Variants in PRKDC observed in about 807,000 individuals in gnomAD.
The protein encoded by PRKDC is DNA-dependent protein kinase catalytic subunit.
PRKDC carries 82 observed loss-of-function variants against 486.9 expected under a neutral mutation model. The observed-to-expected ratio is 0.17, with a 90% CI of 0.14 to 0.20. The LOEUF is 0.20. Among genes scored for constraint, PRKDC ranks in the 10% least tolerant of loss-of-function variants. The pLI, the probability that PRKDC is intolerant of heterozygous loss-of-function variation, is 1.00. For missense variants in PRKDC, 4,504 were observed against 5,038.2 expected (o/e 0.89, Z 3.21); for synonymous variants, 1,895 against 1,837.0 (o/e 1.03, Z -0.81).
At position 47,785,281 on chromosome 8, in the gene PRKDC, C is replaced by T. The variant is rs2086772624; in HGVS notation, c.10939G>A (p.Gly3647Arg). 6.2e-7 allele frequency: 1 copy of T among 1,606,940 alleles called. No individual in the cohort carries two copies. The highest frequency in any genetic ancestry group is 8.5e-7 in the Non-Finnish European group (1 of 1,176,086). The change falls in exon 77 of 86, where the codon GGA (glycine) becomes AGA (arginine). Residue 3647 changes from glycine (G) to arginine (R), a missense_variant. Physicochemically the swap from Gly to Arg is moderately radical, Grantham distance 125. This residue lies in a region of PRKDC where 706 missense variants were observed against 945.0 expected (regional missense o/e 0.75). Transcript: ENST00000314191. ...GKEFDKHFGK[G>R]GSKLLRMKLS... Reference sequence around the variant, plus strand: ...TTCATTCTCAGTAGTTTAGAACCTCCTTTCCCAAAATGTTTATCAAATTCT... The same window carrying T: ...TTCATTCTCAGTAGTTTAGAACCTCTTTTCCCAAAATGTTTATCAAATTCT...
intron 22 of PRKDC, among the ~76,000 whole-genome samples, chr8:47,916,683 C>A (rs560393207): frequency 3.0e-4 from 46 of 152,284 alleles, no homozygotes; most frequent in African/African-American, 1.1e-3. Flanking sequence ...AAAGCAGTGG[C>A]TACTTCAGCT....
intron 61 of PRKDC, among the ~76,000 whole-genome samples, chr8:47,829,339 TC>T (rs2087810934): frequency 6.6e-6 from 1 of 152,198 alleles, no homozygotes; most frequent in Admixed American, 6.5e-5. Context: ...AAATGAATGT[TC>T]TTAAATCAAG....
intron 15 of PRKDC, among the ~76,000 whole-genome samples, 167 bp from the exon 16 acceptor site, chr8:47,933,339 C>T (rs138132851): frequency 1.3e-5 from 2 of 152,240 alleles, no homozygotes; most frequent in African/African-American, 4.8e-5. Flanking sequence ...TTGCAAGATA[C>T]CTTCCTAAAT....
chr8:47,781,899 T>C (rs2086705080), intron 80 of PRKDC, among the ~76,000 whole-genome samples: 1 of 152,258 alleles, frequency 6.6e-6, no homozygotes, highest in Admixed American at 6.5e-5. Context: ...TTTTACTACA[T>C]GTTATCTGAT....
chr8:47,793,120 G>T (rs780488460), intron 74 of PRKDC, among the ~76,000 whole-genome samples: 1 of 152,198 alleles, frequency 6.6e-6, no homozygotes, highest in Non-Finnish European at 1.5e-5. Context: ...TTGGCCTCAA[G>T]CGATTCTTCC....
Position 47,778,202 on chromosome 8 carries a change from C to CT in PRKDC, c.11853+256dup, listed in dbSNP as rs560511204. Reference sequence around the variant, plus strand: ...ATTTTTATTACGGGGCTTCCTAAAACTTTCTTAGAGTCTTCCTTTGATCTG... The same window carrying CT: ...ATTTTTATTACGGGGCTTCCTAAAACTTTTCTTAGAGTCTTCCTTTGATCTG... On this transcript the variant is annotated intron_variant, in intron 83 of 85. Transcript: ENST00000314191. Among the ~76,000 whole-genome samples, 76 of 152,302 alleles carry CT rather than the reference C, an allele frequency of 5.0e-4. 1 individual carries two copies. The East Asian group carries it at 0.011, about 22-fold the overall frequency.
intron 21 of PRKDC, among the ~76,000 whole-genome samples, chr8:47,924,545 G>A (rs1273895265): frequency 6.6e-6 from 1 of 151,978 alleles, no homozygotes; most frequent in East Asian, 1.9e-4. Flanking sequence ...GGGAAACAGA[G>A]TGAGACTCTG....
chr8:47,809,545 G>A (rs2087286370), intron 68 of PRKDC, among the ~76,000 whole-genome samples: 1 of 152,166 alleles, frequency 6.6e-6, no homozygotes, highest in African/African-American at 2.4e-5. Flanking sequence ...TTTAGGAGTG[G>A]AGTTGACAAG....
chr8:47,834,539 C>T (rs978907776), intron 58 of PRKDC, 143 bp from the exon 59 acceptor site: 15 of 808,836 alleles, frequency 1.9e-5, no homozygotes, highest in African/African-American at 3.4e-5. Flanking sequence ...TGTCAGGTCC[C>T]AGGGTATGCC....
At chr8:47,939,440 G>T (rs2090404592) in intron 11 of PRKDC, 111 bp downstream of exon 11, 1 of 1,226,498 alleles carries the variant, frequency 8.2e-7, no homozygotes, top group Non-Finnish European at 1.2e-6. Flanking sequence ...GTTATTCAAG[G>T]GTCTACTGTA....
chr8:47,810,279 T>C (rs762742203), intron 68 of PRKDC, among the ~76,000 whole-genome samples: 4 of 152,234 alleles, frequency 2.6e-5, no homozygotes, highest in Admixed American at 6.5e-5. Context: ...CAATAAGATA[T>C]TTTGAGAGAG....
At chr8:47,890,153 A>C in intron 32 of PRKDC, 104 bp downstream of exon 32, 1 of 452,504 alleles carries the variant, frequency 2.2e-6, no homozygotes. Context: ...TAATAATAAT[A>C]ATAATGATAA....
intron 21 of PRKDC, among the ~76,000 whole-genome samples, chr8:47,919,094 C>G (rs2090033753): frequency 6.6e-6 from 1 of 152,116 alleles, no homozygotes; most frequent in Non-Finnish European, 1.5e-5. Flanking sequence ...TCCACAAGGA[C>G]AGTCTCCCAC....
At position 47,960,113 on chromosome 8, in the gene PRKDC, C is replaced by G; in HGVS notation, c.14G>C (p.Gly5Ala). 6.7e-7 allele frequency: 1 copy of G among 1,503,440 alleles called. No individual in the cohort carries two copies. The highest frequency in any genetic ancestry group is 8.8e-7 in the Non-Finnish European group (1 of 1,130,302). 93.1% of individuals were successfully genotyped at this position (1,503,440 alleles called of 1,614,324 possible). A position where few individuals can be genotyped will look rare whatever the true frequency, so the allele number is the denominator to read the frequency against. Residue 5 changes from glycine (G) to alanine (A), a missense_variant, in exon 1 of 86, where the codon GGA (glycine) becomes GCA (alanine). By Grantham distance (60) the Gly-to-Ala change is moderately conservative (BLOSUM62 0). This residue lies in a region of PRKDC where 145 missense variants were observed against 136.3 expected (regional missense o/e 1.06). Coordinates refer to ENST00000314191, the MANE Select transcript of PRKDC (RefSeq NM_006904.7). The part of the protein sequence containing the change: MAGS[G>A]AGVRCSLLRL... The stretch of plus-strand genomic sequence containing the variant: ...CAGCAGGGAGCAACGCACACCGGCT[C>G]CGGAGCCCGCCATGCCGCCGAGTCC...
chr8:47,828,252 G>A lies in PRKDC; in HGVS notation c.8493C>T (p.Asn2831=), dbSNP rs1445643080. Residue 2831 remains asparagine (N), a synonymous_variant, in exon 62 of 86, where the codon AAC becomes AAT. Coordinates refer to ENST00000314191, the MANE Select transcript of PRKDC (RefSeq NM_006904.7). ...DKFKTLSEKN[N]ITQKLLQDFN... ...AGTCTTGAAGCAACTTTTGAGTGAT[G>A]TTGTTTTTTTCAGACAGTGTCTTAA... 1.2e-6 allele frequency: 2 copies of A among 1,613,428 alleles called. No individual in the cohort carries two copies. The highest frequency in any genetic ancestry group is 1.6e-4 in the Middle Eastern group (1 of 6,062).
chr8:47,849,632 T>C (rs993552191), intron 52 of PRKDC, 129 bp from the exon 53 acceptor site: 34 of 1,052,804 alleles, frequency 3.2e-5, no homozygotes, highest in Non-Finnish European at 4.3e-5. Context: ...ACAAGGTAGA[T>C]GATGGGACAG....
At chr8:47,948,728 C>G (rs1056818580) in intron 7 of PRKDC, among the ~76,000 whole-genome samples, 1 of 152,018 alleles carries the variant, frequency 6.6e-6, no homozygotes, top group Admixed American at 6.6e-5. Flanking sequence ...TCCCAAAGTG[C>G]TGGGATTACA....
Position 47,782,679 on chromosome 8 carries a change from C to A in PRKDC, c.11176-81G>T. ...AGGGAAAAGCCAGAGTGGCTGTGAG[C>A]ATTCCTCCGTGGGGCCGCCCTCTGA... On this transcript the variant is annotated intron_variant, in intron 78 of 85. Coordinates refer to ENST00000314191, the MANE Select transcript of PRKDC (RefSeq NM_006904.7). This position sits in a 1 kb window ranked among gnomAD's most constrained non-coding sequence, Gnocchi z 4.9. The A allele has an allele frequency of 1.4e-6, 2 of 1,458,696 alleles. No individual in the cohort carries two copies. Among genetic ancestry groups the A allele is most frequent in the South Asian group, 1.3e-5 (1 of 78,760 alleles). The allele number at this position is 1,458,696 out of a possible 1,614,324, so 90.4% of individuals were successfully genotyped here.
chr8:47,876,223 G>A (rs1424527451), intron 40 of PRKDC, among the ~76,000 whole-genome samples: 1 of 152,122 alleles, frequency 6.6e-6, no homozygotes, highest in African/African-American at 2.4e-5. Flanking sequence ...TACTTACAGT[G>A]GGTGAAGTTT....
Sources: allele counts gnomAD v4.1 joint callset (sites outside exome capture counted in the v4.1 genomes callset), GRCh38; gene constraint gnomAD v4.1.1; regional missense constraint gnomAD v4.1.1; non-coding constraint Gnocchi (gnomAD v3.1); transcripts MANE v1.5; gene names NCBI Gene and HGNC (gene_info 2026-07-23, HGNC 2026-07-21).